SEM1: variants seen among roughly 807,000 people sequenced by gnomAD.
SEM1 encodes SEM1 26S proteasome subunit.
In SEM1, 3 loss-of-function variants were observed where a neutral mutation model predicts 12.7. That is an observed-to-expected ratio of 0.24 (90% CI 0.11 to 0.61). SEM1 has a LOEUF of 0.61. Among genes scored for constraint, SEM1 ranks in the 20% least tolerant of loss-of-function variants. SEM1 has a pLI of 0.88. For missense variants in SEM1, 59 were observed against 81.3 expected (o/e 0.73, Z 1.06); for synonymous variants, 30 against 27.8 (o/e 1.08, Z -0.25).
chr7:96,520,811 T>C (rs1216128296), intron 2 of SEM1, among the ~76,000 whole-genome samples: 1 of 152,134 alleles, frequency 6.6e-6, no homozygotes, highest in East Asian at 1.9e-4. Flanking sequence ...GCTAGTAGGC[T>C]GGCCTCCCCG....
chr7:96,633,795 A>C (rs1248946282), intron 2 of SEM1, among the ~76,000 whole-genome samples: 1 of 152,100 alleles, frequency 6.6e-6, no homozygotes, highest in Non-Finnish European at 1.5e-5. Context: ...ATGCAACCAG[A>C]CTAGGGAGGA....
chr7:96,603,463 C>G (rs1442612857), intron 2 of SEM1, among the ~76,000 whole-genome samples: 1 of 152,144 alleles, frequency 6.6e-6, no homozygotes. Context: ...TAACACATGA[C>G]CACCTGCTCA....
chr7:96,559,269 C>T (rs187227344), intron 2 of SEM1, among the ~76,000 whole-genome samples: 1 of 152,236 alleles, frequency 6.6e-6, no homozygotes, highest in East Asian at 1.9e-4. Context: ...TGTGCCTTTA[C>T]TCCCACCCCC....
chr7:96,551,047 AT>A (rs1322623057), intron 2 of SEM1, among the ~76,000 whole-genome samples: 1 of 152,160 alleles, frequency 6.6e-6, no homozygotes, highest in Non-Finnish European at 1.5e-5. Flanking sequence ...CATGCAAGAG[AT>A]TTATTTGAGG....
At chr7:96,667,069 T>C (rs1789190223) in intron 2 of SEM1, among the ~76,000 whole-genome samples, 1 of 152,274 alleles carries the variant, frequency 6.6e-6, no homozygotes, top group Non-Finnish European at 1.5e-5. Context: ...AGACAAACCT[T>C]CCCAGTTTCC....
intron 2 of SEM1, among the ~76,000 whole-genome samples, chr7:96,582,665 A>G (rs1333826753): frequency 1.3e-5 from 2 of 152,266 alleles, no homozygotes; most frequent in Non-Finnish European, 2.9e-5. Context: ...TTATTGGTCT[A>G]TTCAGAGATT....
intron 2 of SEM1, among the ~76,000 whole-genome samples, chr7:96,613,313 C>A (rs1807601340): frequency 6.6e-6 from 1 of 152,146 alleles, no homozygotes; most frequent in Non-Finnish European, 1.5e-5. Flanking sequence ...CATGGATTCT[C>A]TTTTGAGCTC....
At chr7:96,628,594 G>A (rs1372568236) in intron 2 of SEM1, among the ~76,000 whole-genome samples, 1 of 151,962 alleles carries the variant, frequency 6.6e-6, no homozygotes, top group East Asian at 1.9e-4. Flanking sequence ...TTACTATACT[G>A]CCTATGTCTT....
chr7:96,690,882 T>C (rs1002965454), intron 2 of SEM1, among the ~76,000 whole-genome samples: 11 of 152,288 alleles, frequency 7.2e-5, no homozygotes, highest in South Asian at 6.2e-4. Flanking sequence ...GCCATTGTCC[T>C]GCCTCAGCCT....
At chr7:96,549,737 C>T (rs1418145586) in intron 2 of SEM1, among the ~76,000 whole-genome samples, 1 of 152,112 alleles carries the variant, frequency 6.6e-6, no homozygotes, top group Non-Finnish European at 1.5e-5. Flanking sequence ...AATTTGACTG[C>T]CATTTCCAAA....
At chr7:96,654,192 A>T (rs1341516303) in intron 2 of SEM1, among the ~76,000 whole-genome samples, 1 of 152,190 alleles carries the variant, frequency 6.6e-6, no homozygotes. Context: ...TCACTAGGGA[A>T]AATTCATGGA....
intron 2 of SEM1, among the ~76,000 whole-genome samples, chr7:96,528,910 A>T (rs994370465): frequency 1.1e-4 from 17 of 152,144 alleles, no homozygotes; most frequent in Non-Finnish European, 2.2e-4. Context: ...ATAACCTTAG[A>T]TATTGTATTC....
intron 2 of SEM1, among the ~76,000 whole-genome samples, chr7:96,539,995 T>C (rs1407959921): frequency 6.7e-6 from 1 of 150,328 alleles, no homozygotes; most frequent in Non-Finnish European, 1.5e-5. Context: ...AGGTTATAAA[T>C]ATAATAAGAA....
intron 2 of SEM1, among the ~76,000 whole-genome samples, chr7:96,585,788 C>A (rs182850444): frequency 1.3e-5 from 2 of 152,164 alleles, no homozygotes; most frequent in African/African-American, 2.4e-5. Flanking sequence ...TGACCCCTTG[C>A]GCTTCCCGAG....
intron 3 of SEM1, chr7:96,484,744 G>T: frequency 3.9e-6 from 3 of 773,690 alleles, no homozygotes; most frequent in South Asian, 1.5e-5. Flanking sequence ...AATTTCACTG[G>T]CATCACTGGG....
chr7:96,585,520 G>A (rs910277095), intron 2 of SEM1, among the ~76,000 whole-genome samples: 1 of 152,352 alleles, frequency 6.6e-6, no homozygotes, highest in Non-Finnish European at 1.5e-5. Flanking sequence ...CAGCTGCTTT[G>A]TTTACCTAAG....
At chr7:96,653,693 T>A (rs1809077665) in intron 2 of SEM1, 1 of 152,218 alleles carries the variant, frequency 6.6e-6, no homozygotes. Flanking sequence ...CAATAACTAA[T>A]CTATATCATT....
downstream of SEM1, among the ~76,000 whole-genome samples, chr7:96,687,727 T>C (rs1789804787): frequency 6.6e-6 from 1 of 151,994 alleles, no homozygotes; most frequent in Non-Finnish European, 1.5e-5. Context: ...GGCACATGTA[T>C]ACATATGTAA....
chr7:96,645,153 C>G (rs1407865180), intron 2 of SEM1, among the ~76,000 whole-genome samples: 1 of 151,994 alleles, frequency 6.6e-6, no homozygotes, highest in African/African-American at 2.4e-5. Flanking sequence ...AAATAGACAA[C>G]AGGATTTAGA....
Sources: gnomAD v4.1 joint callset for allele counts (sites outside exome capture counted in the v4.1 genomes callset) on GRCh38, gnomAD v4.1.1 for gene constraint, MANE v1.5 for transcripts, NCBI Gene and HGNC (gene_info 2026-07-23, HGNC 2026-07-21) for gene names.